ANKS3: variants seen among roughly 807,000 people sequenced by gnomAD.
ANKS3 encodes ankyrin repeat and sterile alpha motif domain containing 3, also known as ankyrin repeat and SAM domain-containing protein 3.
A neutral mutation model predicts 80.7 loss-of-function variants in ANKS3; 62 were observed. The observed-to-expected ratio is 0.77, with a 90% CI of 0.63 to 0.95. The LOEUF (loss-of-function observed/expected upper bound fraction) is 0.95, where lower values mean the gene tolerates loss of function less well. Ranked by LOEUF, ANKS3 falls within the 40% of genes least tolerant of loss-of-function variation. The pLI is 0.00. For missense variants in ANKS3, 1,150 were observed against 883.6 expected (o/e 1.30, Z -3.82); for synonymous variants, 489 against 355.3 (o/e 1.38, Z -4.23).
At chr16:4,721,401 G>C (rs1188685789) in intron 6 of ANKS3, among the ~76,000 whole-genome samples, 1 of 151,000 alleles carries the variant, frequency 6.6e-6, no homozygotes, top group African/African-American at 2.4e-5. Context: ...CTGAGCTCAG[G>C]AGTTCAAGAC....
At chr16:4,703,702 C>T (rs566661204) in intron 8 of ANKS3, among the ~76,000 whole-genome samples, 4 of 152,300 alleles carry the variant, frequency 2.6e-5, no homozygotes, top group African/African-American at 9.6e-5. Flanking sequence ...TGAGCCACTG[C>T]GCCCGGCCCC....
chr16:4,701,211 A>AGGG (rs374857337), intron 10 of ANKS3, 77 bp from the exon 11 acceptor site: 1 of 1,596,288 alleles, frequency 6.3e-7, no homozygotes, highest in African/African-American at 1.3e-5. Context: ...CCCGCCACAC[A>AGGG]GGGGCTTGAG....
At chr16:4,706,408 T>G (rs561391427) in intron 7 of ANKS3, among the ~76,000 whole-genome samples, 2 of 152,168 alleles carry the variant, frequency 1.3e-5, no homozygotes, top group East Asian at 3.9e-4. Flanking sequence ...ATCTTGTTTT[T>G]GTATTTTTAG....
At chr16:4,722,180 T>A (rs2081136448) in intron 6 of ANKS3, among the ~76,000 whole-genome samples, 1 of 151,348 alleles carries the variant, frequency 6.6e-6, no homozygotes, top group South Asian at 2.1e-4. Flanking sequence ...TAAAAAGAGA[T>A]ACCATGTGAA....
rs2079698291 is a variant in ANKS3 at position 4,698,395 on chromosome 16, G to T, written c.1724+32C>A. The T allele has an allele frequency of 4.8e-6, 7 of 1,454,636 alleles. No individual in the cohort carries two copies. The African/African-American group carries it at 7.1e-5, about 15-fold the overall frequency. 90.1% of individuals were successfully genotyped at this position (1,454,636 alleles called of 1,614,324 possible). A position where few individuals can be genotyped will look rare whatever the true frequency, so the allele number is the denominator to read the frequency against. ...AGGGGCCAGGTGGCTGACCACTGGA[G>T]ACCCAGCCCAGGGCAGCTCAGAGCC... On this transcript the variant is annotated intron_variant, in intron 14 of 17. Coordinates refer to ENST00000304283, the MANE Select transcript of ANKS3 (RefSeq NM_133450.4).
chr16:4,728,695 A>G (rs964980631), intron 3 of ANKS3, among the ~76,000 whole-genome samples: 6 of 151,668 alleles, frequency 4.0e-5, no homozygotes, highest in African/African-American at 1.5e-4. Context: ...AAATCCCATC[A>G]CAACACAAAC....
At position 4,696,795 on chromosome 16, in the gene ANKS3, G is replaced by T; in HGVS notation, c.*113C>A. ...GCTGCTCCCGGGGCCTGATCCTCTG[G>T]CCCCCACTGGGCCTGGGCTGCACAT... On this transcript the variant is annotated 3_prime_UTR_variant, in exon 18 of 18. Coordinates refer to ENST00000304283, the MANE Select transcript of ANKS3 (RefSeq NM_133450.4). 1.7e-6 allele frequency: 1 copy of T among 587,168 alleles called. No individual in the cohort carries two copies. Among genetic ancestry groups the T allele is most frequent in the Non-Finnish European group, 3.0e-6 (1 of 329,644 alleles). The allele number at this position is 587,168 out of a possible 1,614,324, so 36.4% of individuals were successfully genotyped here. A position where few individuals can be genotyped will look rare whatever the true frequency, so the allele number is the denominator to read the frequency against.
At chr16:4,731,410 G>C (rs913185519) in intron 2 of ANKS3, 102 bp downstream of exon 2, 1 of 153,696 alleles carries the variant, frequency 6.5e-6, no homozygotes, top group African/African-American at 2.4e-5. Flanking sequence ...CACCTGAATA[G>C]CTGAGATTAC....
intron 5 of ANKS3, 22 bp downstream of exon 5, chr16:4,726,637 C>T: frequency 6.2e-7 from 1 of 1,611,080 alleles, no homozygotes; most frequent in South Asian, 1.1e-5. Flanking sequence ...ACTCCTGTGG[C>T]CACTAAAGAT....
At chr16:4,701,588 G>T (rs764102481) in intron 9 of ANKS3, 45 bp from the exon 10 acceptor site, 1 of 1,558,382 alleles carries the variant, frequency 6.4e-7, no homozygotes. Context: ...CCTCACCGAG[G>T]TGCTGCGCAT....
In ANKS3 at chr16:4,697,120, C is replaced by T. The variant is rs1250909866; in HGVS notation, c.1895-16G>A. The T allele has an allele frequency of 1.2e-6, 2 of 1,612,044 alleles. No individual in the cohort carries two copies. The highest frequency in any genetic ancestry group is 4.5e-5 in the East Asian group (2 of 44,798). On this transcript the variant is annotated splice_polypyrimidine_tract_variant and intron_variant, in intron 16 of 17. Transcript: ENST00000304283. ...AGTGCTTGCCCTGAGGAATGATGAC[C>T]TTGAGCCTCTCCCGGCCAGGCTCAG...
chr16:4,711,162 G>A (rs1034740093), intron 7 of ANKS3, among the ~76,000 whole-genome samples: 2 of 138,006 alleles, frequency 1.4e-5, no homozygotes, highest in Admixed American at 7.8e-5. Context: ...GGACTGCAAT[G>A]GCACGATCTC....
At chr16:4,721,521 G>C (rs2081093176) in intron 6 of ANKS3, among the ~76,000 whole-genome samples, 1 of 151,274 alleles carries the variant, frequency 6.6e-6, no homozygotes, top group African/African-American at 2.4e-5. Context: ...TGAGGCAGGA[G>C]GATCACTTGA....
rs556649480 is a variant in ANKS3 at position 4,698,621 on chromosome 16, G to T, written c.1552-22C>A. 1.2e-5 allele frequency: 19 copies of T among 1,539,126 alleles called. No individual in the cohort carries two copies. In the East Asian group the frequency reaches 3.6e-4, roughly 29 times the overall value. On this transcript the variant is annotated intron_variant, in intron 13 of 17. Transcript: ENST00000304283. ...AGCGCTGCAGGGGGGTGGGGGGCGC[G>T]GGGAGGCTGGGAGGTGGCCGGTCAA... is the stretch of plus-strand genomic sequence containing the variant.
intron 6 of ANKS3, among the ~76,000 whole-genome samples, chr16:4,722,069 G>A (rs957024050): frequency 1.3e-5 from 2 of 151,400 alleles, no homozygotes; most frequent in African/African-American, 4.8e-5. Context: ...CGTGGGGAGG[G>A]TGCCAAGGAG....
In ANKS3 at chr16:4,701,916, C is replaced by T. The variant is rs141063257; in HGVS notation, c.1009+186G>A. The T allele has an allele frequency of 4.6e-3, 3,335 of 726,934 alleles. 13 individuals carry two copies. The highest frequency in any genetic ancestry group is 5.9e-3 in the Non-Finnish European group (2,770 of 472,900). The allele number at this position is 726,934 out of a possible 1,614,324, so 45.0% of individuals were successfully genotyped here. ...TGTGGAACGGCTCCCTTAAGCCGCA[C>T]GGGGATGCTGGACCAGAAGCTTCTC... On this transcript the variant is annotated intron_variant, in intron 9 of 17. Transcript: ENST00000304283.
intron 6 of ANKS3, among the ~76,000 whole-genome samples, chr16:4,718,088 T>C (rs2080897409): frequency 6.6e-6 from 1 of 151,318 alleles, no homozygotes; most frequent in Non-Finnish European, 1.5e-5. Flanking sequence ...TTTTTTTTTT[T>C]TTTTTTTTTT....
chr16:4,728,895 A>G (rs923084407), intron 3 of ANKS3, among the ~76,000 whole-genome samples: 5 of 152,012 alleles, frequency 3.3e-5, no homozygotes, highest in Non-Finnish European at 7.4e-5. Context: ...GTGCACCAGC[A>G]CTCCATGGGC....
At position 4,725,638 on chromosome 16, in the gene ANKS3, A is replaced by G. The variant is rs369867018; in HGVS notation, c.492-807T>C. On this transcript the variant is annotated intron_variant, in intron 5 of 17. Transcript: ENST00000304283. Reference sequence around the variant, plus strand: ...GCTTTAGACAACAATCCCACTTCCAACTTATAAAACTCATGACTGGTTTTT... The same window carrying G: ...GCTTTAGACAACAATCCCACTTCCAGCTTATAAAACTCATGACTGGTTTTT... 3.3e-5 allele frequency among the ~76,000 whole-genome samples: 5 copies of G among 152,110 alleles called. No homozygotes were observed. In the East Asian group the frequency reaches 5.8e-4, roughly 18 times the overall value.
Sources: gnomAD v4.1 joint callset for allele counts (sites outside exome capture counted in the v4.1 genomes callset) on GRCh38, gnomAD v4.1.1 for gene constraint, MANE v1.5 for transcripts, NCBI Gene and HGNC (gene_info 2026-07-23, HGNC 2026-07-21) for gene names.